Variants in SSH2 observed in about 807,000 individuals in gnomAD.
SSH2 encodes protein phosphatase Slingshot homolog 2.
A neutral mutation model predicts 135.2 loss-of-function variants in SSH2; 37 were observed. The ratio of observed to expected loss-of-function variants is 0.27; its 90% CI spans 0.21 to 0.36. The LOEUF (loss-of-function observed/expected upper bound fraction) is 0.36. Among genes scored for constraint, SSH2 ranks in the 10% least tolerant of loss-of-function variants. The pLI is 1.00. For synonymous variants in SSH2, 628 were observed against 646.2 expected, an observed-to-expected ratio of 0.97 and a Z score of 0.43; for missense variants, 1,408 against 1,765.3, an observed-to-expected ratio of 0.80 and a Z score of 3.63.
At chr17:29,798,551 T>G (rs1351627377) in intron 2 of SSH2, among the ~76,000 whole-genome samples, 1 of 152,180 alleles carries the variant, frequency 6.6e-6, no homozygotes, top group Non-Finnish European at 1.5e-5. Context: ...ATCATAACCA[T>G]TATGATTATT....
intron 3 of SSH2, among the ~76,000 whole-genome samples, chr17:29,718,732 CAAAAAAAAAAA>C (rs752148237): frequency 7.8e-5 from 6 of 77,322 alleles, no homozygotes; most frequent in Admixed American, 6.8e-4. Context: ...GATTTCACCT[CAAAAAAAAAAA>C]AAAAAAAAAA....
At chr17:29,718,048 T>C (rs1205796308) in intron 3 of SSH2, among the ~76,000 whole-genome samples, 1 of 152,140 alleles carries the variant, frequency 6.6e-6, no homozygotes, top group Non-Finnish European at 1.5e-5. Context: ...TGTTTCTACT[T>C]TCTCATTTGT....
intron 2 of SSH2, among the ~76,000 whole-genome samples, chr17:29,814,025 G>A (rs1008356122): frequency 1.0e-4 from 15 of 146,304 alleles, no homozygotes; most frequent in African/African-American, 3.3e-4. Flanking sequence ...AGCTACTAGG[G>A]AGGCTGAGGC....
At chr17:29,668,009 A>T (rs1455766139) in intron 9 of SSH2, among the ~76,000 whole-genome samples, 2 of 152,224 alleles carry the variant, frequency 1.3e-5, no homozygotes, top group Non-Finnish European at 2.9e-5. Flanking sequence ...CCTCTAAAGC[A>T]TTATTTCAGA....
intron 14 of SSH2, among the ~76,000 whole-genome samples, chr17:29,644,603 T>C (rs984983626): frequency 4.6e-5 from 7 of 152,052 alleles, no homozygotes; most frequent in Admixed American, 1.3e-4. Context: ...GGTCAAGAGA[T>C]CGAGACCATC....
intron 1 of SSH2, among the ~76,000 whole-genome samples, chr17:29,895,624 GAAATATATA>G (rs1567637805): frequency 6.8e-5 from 5 of 73,848 alleles, no homozygotes; most frequent in African/African-American, 3.7e-4. Context: ...TTTTATATAT[GAAATATATA>G]AAATATATTT....
chr17:29,696,086 ATTTAT>A (rs2038715963), intron 4 of SSH2, among the ~76,000 whole-genome samples: 1 of 151,124 alleles, frequency 6.6e-6, no homozygotes, highest in Non-Finnish European at 1.5e-5. Flanking sequence ...TATTATTATT[ATTTAT>A]TTTAATTTTT....
At chr17:29,727,912 C>T (rs563817585) in intron 3 of SSH2, among the ~76,000 whole-genome samples, 10 of 152,216 alleles carry the variant, frequency 6.6e-5, no homozygotes, top group Admixed American at 2.6e-4. Context: ...CAGGCGCGAT[C>T]GCTCACACCT....
At chr17:29,741,021 A>T (rs796770930) in intron 3 of SSH2, among the ~76,000 whole-genome samples, 7 of 152,318 alleles carry the variant, frequency 4.6e-5, no homozygotes, top group African/African-American at 1.7e-4. Flanking sequence ...GTAACTATTG[A>T]TGTACTATTA....
chr17:29,774,294 TG>T (rs1159483856), intron 3 of SSH2, among the ~76,000 whole-genome samples: 35 of 152,272 alleles, frequency 2.3e-4, no homozygotes. Flanking sequence ...GATGGAGTTT[TG>T]CTCTTATTGC....
intron 1 of SSH2, among the ~76,000 whole-genome samples, chr17:29,867,845 T>C (rs1178793800): frequency 6.6e-6 from 1 of 152,190 alleles, no homozygotes; most frequent in Non-Finnish European, 1.5e-5. Context: ...TTAGCTCTAG[T>C]ATTAGAAGAG....
intron 3 of SSH2, among the ~76,000 whole-genome samples, chr17:29,752,375 GCATC>G (rs1419404760): frequency 6.6e-6 from 1 of 152,064 alleles, no homozygotes; most frequent in Non-Finnish European, 1.5e-5. Context: ...TGTACTCCAA[GCATC>G]TGTAAGAATT....
At chr17:29,684,391 C>T (rs2038115702) in intron 6 of SSH2, among the ~76,000 whole-genome samples, 172 bp downstream of exon 6, 1 of 150,752 alleles carries the variant, frequency 6.6e-6, no homozygotes, top group Non-Finnish European at 1.5e-5. Flanking sequence ...GCAGGAGAAT[C>T]GCTTGAACCC....
chr17:29,889,356 G>A (rs1313720770), intron 1 of SSH2, among the ~76,000 whole-genome samples: 1 of 152,154 alleles, frequency 6.6e-6, no homozygotes, highest in East Asian at 1.9e-4. Context: ...TGAGGCAGAA[G>A]AATTGCTTGA....
chr17:29,847,449 G>C (rs1260278347), intron 2 of SSH2, among the ~76,000 whole-genome samples: 1 of 152,162 alleles, frequency 6.6e-6, no homozygotes, highest in Non-Finnish European at 1.5e-5. Context: ...CTGGGACGGT[G>C]TCTGCATTTT....
At chr17:29,781,328 AAAAT>A (rs1400879134) in intron 3 of SSH2, among the ~76,000 whole-genome samples, 2 of 152,160 alleles carry the variant, frequency 1.3e-5, no homozygotes, top group Non-Finnish European at 1.5e-5. Context: ...TCAAAGATAA[AAAAT>A]AAACAGAGCA....
At chr17:29,787,530 C>A (rs1416018385) in intron 3 of SSH2, 1 of 152,048 alleles carries the variant, frequency 6.6e-6, no homozygotes, top group African/African-American at 2.4e-5. Flanking sequence ...TGATCATATT[C>A]TATTTTTAAT....
At chr17:29,731,417 TTTTA>T (rs142032070) in intron 3 of SSH2, among the ~76,000 whole-genome samples, 34,703 of 118,512 alleles carry the variant, frequency 0.29, 4,470 homozygotes, top group East Asian at 0.39. Flanking sequence ...CAGAAGTATT[TTTTA>T]TTTATTTATT....
chr17:29,668,690 T>C (rs2037371619), intron 9 of SSH2, among the ~76,000 whole-genome samples: 1 of 151,950 alleles, frequency 6.6e-6, no homozygotes, highest in Non-Finnish European at 1.5e-5. Flanking sequence ...TGAGCCCTGA[T>C]TGTACCACTG....
Sources: gnomAD v4.1 joint callset for allele counts (sites outside exome capture counted in the v4.1 genomes callset) on GRCh38, gnomAD v4.1.1 for gene constraint, MANE v1.5 for transcripts, NCBI Gene and HGNC (gene_info 2026-07-23, HGNC 2026-07-21) for gene names.